Variants in RAD54L2 observed in about 807,000 individuals in gnomAD.
The protein encoded by RAD54L2 is RAD54 like 2, also known as helicase ARIP4.
In RAD54L2, 27 loss-of-function variants were observed where a neutral mutation model predicts 138.4. The ratio of observed to expected loss-of-function variants is 0.20; its 90% CI spans 0.14 to 0.27. The LOEUF (loss-of-function observed/expected upper bound fraction) is 0.27. RAD54L2 is among the 10% of genes least tolerant of loss of function. RAD54L2 has a pLI of 1.00. For synonymous variants in RAD54L2, 644 were observed against 723.2 expected (o/e 0.89, Z 1.76); for missense variants, 1,396 against 1,890.2 (o/e 0.74, Z 4.85).
intron 3 of RAD54L2, among the ~76,000 whole-genome samples, chr3:51,610,011 C>T (rs1340212867): frequency 6.6e-6 from 1 of 151,888 alleles, no homozygotes; most frequent in East Asian, 1.9e-4. Flanking sequence ...CGGCAGGCGC[C>T]TGTAGTCCCA....
At chr3:51,611,224 C>T (rs1700319182) in intron 3 of RAD54L2, among the ~76,000 whole-genome samples, 1 of 150,706 alleles carries the variant, frequency 6.6e-6, no homozygotes, top group Non-Finnish European at 1.5e-5. Flanking sequence ...AGGAAGGGTT[C>T]AGATGGGTTA....
chr3:51,587,972 G>A (rs940488032), intron 2 of RAD54L2, among the ~76,000 whole-genome samples: 3 of 151,846 alleles, frequency 2.0e-5, no homozygotes, highest in African/African-American at 4.8e-5. Flanking sequence ...ACTTTGGGAG[G>A]TCAGGAGATC....
At chr3:51,647,678 A>T (rs545733150) in intron 19 of RAD54L2, among the ~76,000 whole-genome samples, 57 of 151,384 alleles carry the variant, frequency 3.8e-4, no homozygotes, top group African/African-American at 9.7e-4. Context: ...TCAAAAAAAA[A>T]TTTTTTTTTC....
chr3:51,662,189 A>G lies in RAD54L2; in HGVS notation c.3410-237A>G, dbSNP rs1050950897. On this transcript the variant is annotated intron_variant, in intron 22 of 22. Coordinates refer to ENST00000684192, the MANE Select transcript of RAD54L2 (RefSeq NM_015106.4). The surrounding 1 kb of genome is among the most constrained non-coding windows in gnomAD (Gnocchi z 4.6). The stretch of plus-strand genomic sequence containing the variant: ...GTAGGATTCATTTTGGTATAGTTTT[A>G]CAGTTTGGGGAACTGGGGTGCAGAA... Among the ~76,000 whole-genome samples the G allele has an allele frequency of 6.6e-6, 1 of 152,074 alleles. No individual in the cohort carries two copies. Among genetic ancestry groups the G allele is most frequent in the Non-Finnish European group, 1.5e-5 (1 of 68,016 alleles).
chr3:51,577,852 C>T (rs941546583), intron 2 of RAD54L2, among the ~76,000 whole-genome samples: 10 of 152,144 alleles, frequency 6.6e-5, no homozygotes, highest in Non-Finnish European at 1.3e-4. Context: ...GTGTCGCTTA[C>T]GCTGGGAGCT....
chr3:51,616,198 G>A (rs1315887941), intron 3 of RAD54L2, among the ~76,000 whole-genome samples: 2 of 151,924 alleles, frequency 1.3e-5, no homozygotes, highest in Admixed American at 1.3e-4. Flanking sequence ...TCATCCTACT[G>A]ATCTATCAAA....
Position 51,663,490 on chromosome 3 carries a change from T to C in RAD54L2, c.*70T>C. ...CCCACCAAGCTGAAAGGCAGTGATT[T>C]AGACCTTTTGAGAATAGGACACTTG... is the stretch of plus-strand genomic sequence containing the variant. On this transcript the variant is annotated 3_prime_UTR_variant, in exon 23 of 23. Transcript: ENST00000684192. 6.6e-7 allele frequency: 1 copy of C among 1,512,026 alleles called. No individual in the cohort carries two copies. Among genetic ancestry groups the C allele is most frequent in the Non-Finnish European group, 9.0e-7 (1 of 1,116,602 alleles). The allele number at this position is 1,512,026 out of a possible 1,614,324, so 93.7% of individuals were successfully genotyped here. A position where few individuals can be genotyped will look rare whatever the true frequency, so the allele number is the denominator to read the frequency against.
chr3:51,628,965 C>G (rs921108450), intron 4 of RAD54L2, among the ~76,000 whole-genome samples: 1 of 152,134 alleles, frequency 6.6e-6, no homozygotes. Context: ...ATCCACCTGC[C>G]TCAGCCTCCC....
rs763887787 is a variant in RAD54L2 at position 51,662,599 on chromosome 3, T to C, written c.3583T>C (p.Ser1195Pro). ...TGCTGCCCGGGAATCCCGTCAGAGC[T>C]CCCCAAGCACCAATGCCGCCCTGCC... ...VAAARESRQS[S>P]PSTNAALPGP... Residue 1195 changes from serine (S) to proline (P), a missense_variant, in exon 23 of 23, where the codon TCC becomes CCC. Ser to Pro is a moderately conservative substitution (Grantham distance 74). Coordinates refer to ENST00000684192, the MANE Select transcript of RAD54L2 (RefSeq NM_015106.4). The surrounding 1 kb of genome is among the most constrained non-coding windows in gnomAD (Gnocchi z 4.6). The C allele has an allele frequency of 1.2e-6, 2 of 1,612,972 alleles. No individual in the cohort carries two copies. Among genetic ancestry groups the C allele is most frequent in the East Asian group, 2.2e-5 (1 of 44,856 alleles).
At chr3:51,649,074 G>A (rs1165756322) in intron 19 of RAD54L2, among the ~76,000 whole-genome samples, 1 of 151,980 alleles carries the variant, frequency 6.6e-6, no homozygotes, top group Admixed American at 6.6e-5. Context: ...TAGACAAATG[G>A]CTAACTAGAA....
chr3:51,620,407 C>CTTTTTTTTT (rs60585256), intron 3 of RAD54L2, among the ~76,000 whole-genome samples: 1 of 82,558 alleles, frequency 1.2e-5, no homozygotes, highest in Non-Finnish European at 2.4e-5. Flanking sequence ...TCCTACTGGT[C>CTTTTTTTTT]TTTTTTTTTT....
At chr3:51,566,120 G>A (rs531799637) in intron 2 of RAD54L2, among the ~76,000 whole-genome samples, 57 of 152,232 alleles carry the variant, frequency 3.7e-4, no homozygotes, top group African/African-American at 1.3e-3. Context: ...GAGCCACTGC[G>A]CCCAGCACTG....
At chr3:51,563,782 TCTCA>T (rs1699152900) in intron 2 of RAD54L2, among the ~76,000 whole-genome samples, 1 of 152,206 alleles carries the variant, frequency 6.6e-6, no homozygotes, top group Non-Finnish European at 1.5e-5. Context: ...AAGTGTTGAC[TCTCA>T]CTGACACTGG....
chr3:51,551,119 T>C (rs896892421), intron 2 of RAD54L2, among the ~76,000 whole-genome samples: 9 of 143,272 alleles, frequency 6.3e-5, no homozygotes, highest in Non-Finnish European at 1.3e-4. Context: ...TTCTGTGACT[T>C]TTTTTTTTTC....
In RAD54L2 at chr3:51,630,696, C is replaced by A; in HGVS notation, c.599-9C>A. 1.2e-6 allele frequency: 2 copies of A among 1,605,842 alleles called. No homozygotes were observed. Among genetic ancestry groups the A allele is most frequent in the Non-Finnish European group, 1.7e-6 (2 of 1,175,288 alleles). Reference sequence around the variant, plus strand: ...GGATTTTTGGTTTTGCTTTTTTTTGCTGTCTCAGAGGTGATTGAACTGAGC... The same window carrying A: ...GGATTTTTGGTTTTGCTTTTTTTTGATGTCTCAGAGGTGATTGAACTGAGC... On this transcript the variant is annotated splice_polypyrimidine_tract_variant and intron_variant, in intron 6 of 22. Transcript: ENST00000684192.
At chr3:51,641,563 C>T (rs542660246) in intron 14 of RAD54L2, among the ~76,000 whole-genome samples, 186 bp from the exon 15 acceptor site, 2 of 152,244 alleles carry the variant, frequency 1.3e-5, no homozygotes, top group African/African-American at 2.4e-5. Flanking sequence ...GTGATCCACC[C>T]GCCTCGGCCT....
chr3:51,620,402 C>G (rs1398435531), intron 3 of RAD54L2, among the ~76,000 whole-genome samples: 1 of 141,228 alleles, frequency 7.1e-6, no homozygotes, highest in Non-Finnish European at 1.5e-5. Context: ...CCTGGTCCTA[C>G]TGGTCTTTTT....
At chr3:51,588,013 C>T (rs941679268) in intron 2 of RAD54L2, among the ~76,000 whole-genome samples, 2 of 150,200 alleles carry the variant, frequency 1.3e-5, no homozygotes, top group Non-Finnish European at 3.0e-5. Flanking sequence ...GGTGAGACCC[C>T]GTCTCTACTA....
rs557298834 is a variant in RAD54L2, at chr3:51,629,409, C to T, written c.417C>T (p.Arg139=). The T allele has an allele frequency of 1.1e-5, 17 of 1,610,228 alleles. No individual in the cohort carries two copies. In the East Asian group the frequency reaches 1.6e-4, roughly 15 times the overall value. The change falls in exon 5 of 23, where the codon CGC becomes CGT. Residue 139 remains arginine, a synonymous_variant. Coordinates refer to ENST00000684192, the MANE Select transcript of RAD54L2 (RefSeq NM_015106.4). ...AAGAAGAGTTGGAAAGAAGGAAGCG[C>T]CTGGAGCAGCAGAGGAAAGATTATG... ...AQQEELERRK[R]LEQQRKDYAA...
Sources: allele counts gnomAD v4.1 joint callset (sites outside exome capture counted in the v4.1 genomes callset), GRCh38; gene constraint gnomAD v4.1.1; non-coding constraint Gnocchi (gnomAD v3.1); transcripts MANE v1.5; gene names NCBI Gene and HGNC (gene_info 2026-07-23, HGNC 2026-07-21).